NTRK3: variants seen among roughly 807,000 people sequenced by gnomAD.
The protein encoded by NTRK3 is NT-3 growth factor receptor.
NTRK3 carries 24 observed loss-of-function variants against 91.7 expected under a neutral mutation model. The observed-to-expected ratio is 0.26, with a 90% confidence interval of 0.19 to 0.37. NTRK3 has a LOEUF of 0.37. Ranked by LOEUF, NTRK3 falls within the 10% of genes least tolerant of loss-of-function variation. The pLI is 1.00. For synonymous variants in NTRK3, 483 were observed against 404.0 expected (o/e 1.20, Z -2.34); for missense variants, 880 against 1,068.9 (o/e 0.82, Z 2.46).
chr15:88,103,572 A>C (rs2050393268), intron 13 of NTRK3, among the ~76,000 whole-genome samples: 1 of 152,214 alleles, frequency 6.6e-6, no homozygotes, highest in African/African-American at 2.4e-5. Context: ...AAAAGACCTT[A>C]GATTGTTCAA....
At chr15:88,201,167 G>A (rs2048272984) in intron 3 of NTRK3, among the ~76,000 whole-genome samples, 1 of 152,186 alleles carries the variant, frequency 6.6e-6, no homozygotes, top group Admixed American at 6.5e-5. Context: ...TTCAAGCCCT[G>A]ATATCTTACC....
rs969116454 is a variant in NTRK3 at position 87,878,533 on chromosome 15, C to T, written c.2293-1413G>A. Among the ~76,000 whole-genome samples the T allele has an allele frequency of 4.6e-5, 7 of 152,168 alleles. No individual in the cohort carries two copies. The South Asian group carries it at 8.3e-4, about 18-fold the overall frequency. The stretch of plus-strand genomic sequence containing the variant: ...TTTCCACCCTCCATTACCTTCACCT[C>T]CAGGAAAAGGGATTCAGTTCGAACT... On this transcript the variant is annotated intron_variant, in intron 18 of 18. Transcript: ENST00000394480.
exon 19 of NTRK3, chr15:87,866,888 C>T (rs1362893003): frequency 9.5e-6 from 2 of 210,330 alleles, no homozygotes; most frequent in Admixed American, 5.9e-5. Context: ...TAAATAAATG[C>T]TTTGCTGACA....
intron 3 of NTRK3, among the ~76,000 whole-genome samples, chr15:88,199,205 T>G (rs901803272): frequency 2.6e-5 from 4 of 152,036 alleles, no homozygotes; most frequent in Admixed American, 6.6e-5. Context: ...TATTTACCCT[T>G]TATTATGGAA....
intron 14 of NTRK3, among the ~76,000 whole-genome samples, chr15:87,952,404 G>A (rs929346801): frequency 1.3e-5 from 2 of 152,186 alleles, no homozygotes; most frequent in African/African-American, 4.8e-5. Context: ...CAGCAGGGAA[G>A]CTCTGTTGGG....
At chr15:88,010,375 G>A (rs1234300450) in intron 14 of NTRK3, among the ~76,000 whole-genome samples, 2 of 152,160 alleles carry the variant, frequency 1.3e-5, no homozygotes, top group Non-Finnish European at 2.9e-5. Context: ...CATTCTGGGT[G>A]AATTCATTCT....
intron 4 of NTRK3, 149 bp downstream of exon 4, chr15:88,184,076 T>C: frequency 1.3e-6 from 1 of 754,466 alleles, no homozygotes; most frequent in Non-Finnish European, 2.3e-6. Context: ...GTCCCCTAAG[T>C]GCATATTGCC....
chr15:87,978,991 G>T (rs574949052), intron 14 of NTRK3: 2 of 382,026 alleles, frequency 5.2e-6, no homozygotes, highest in South Asian at 3.7e-5. Flanking sequence ...AGGCTTTCTT[G>T]TGATGGTTAG....
At chr15:88,014,781 C>T (rs552878103) in intron 14 of NTRK3, among the ~76,000 whole-genome samples, 4 of 152,340 alleles carry the variant, frequency 2.6e-5, no homozygotes, top group Admixed American at 6.5e-5. Flanking sequence ...TGCAGGAACA[C>T]GGTCTCTGAT....
At chr15:87,920,963 T>A (rs1269110633) in intron 17 of NTRK3, among the ~76,000 whole-genome samples, 3 of 152,142 alleles carry the variant, frequency 2.0e-5, no homozygotes, top group Admixed American at 2.0e-4. Flanking sequence ...AAGTCTGTAG[T>A]TTAGTTAATA....
At chr15:88,140,929 T>C (rs2042329438) in intron 6 of NTRK3, among the ~76,000 whole-genome samples, 1 of 152,160 alleles carries the variant, frequency 6.6e-6, no homozygotes. Flanking sequence ...TGGTACGTGG[T>C]GCTTTGTAGG....
At chr15:88,210,301 C>A (rs1194529913) in intron 3 of NTRK3, among the ~76,000 whole-genome samples, 1 of 152,128 alleles carries the variant, frequency 6.6e-6, no homozygotes, top group Non-Finnish European at 1.5e-5. Context: ...AGAAGCAATT[C>A]GAAGAGCAGC....
intron 18 of NTRK3, among the ~76,000 whole-genome samples, chr15:87,877,707 C>A (rs1262668965): frequency 2.0e-5 from 3 of 152,258 alleles, no homozygotes; most frequent in African/African-American, 7.2e-5. Context: ...TTGCACTAAA[C>A]CATGCTTCCA....
rs1442845750 is a variant in NTRK3 at position 88,233,233 on chromosome 15, C to G, written c.248+22673G>C. Among the ~76,000 whole-genome samples the G allele has an allele frequency of 6.6e-6, 1 of 152,026 alleles. No individual in the cohort carries two copies. Among genetic ancestry groups the G allele is most frequent in the Admixed American group, 6.5e-5 (1 of 15,276 alleles). Reference sequence around the variant, plus strand: ...TAGAGCACATTGCCAATAAATAACCCCCCCGCCCCCAGTGTAATCTCTCAG... The same window carrying G: ...TAGAGCACATTGCCAATAAATAACCGCCCCGCCCCCAGTGTAATCTCTCAG... On this transcript the variant is annotated intron_variant, in intron 3 of 18. Coordinates refer to ENST00000394480, the Ensembl canonical transcript of NTRK3. The surrounding 1 kb of genome is among the most constrained non-coding windows in gnomAD (Gnocchi z 4.2).
intron 13 of NTRK3, among the ~76,000 whole-genome samples, chr15:88,080,658 C>A (rs1416143759): frequency 6.6e-6 from 1 of 152,242 alleles, no homozygotes; most frequent in East Asian, 1.9e-4. Context: ...TTTGGCTAAA[C>A]CCCACAGTGA....
chr15:88,086,784 G>C (rs16941233), intron 13 of NTRK3, among the ~76,000 whole-genome samples: 4,000 of 152,294 alleles, frequency 0.026, 169 homozygotes, highest in African/African-American at 0.085. Flanking sequence ...TAGCAAGAGG[G>C]ATCCTCTCCT....
intron 14 of NTRK3, chr15:87,979,163 C>T: frequency 1.5e-6 from 1 of 645,252 alleles, no homozygotes; most frequent in Admixed American, 2.5e-5. Context: ...GGCAACCCTG[C>T]CAGTGGTGGA....
chr15:88,241,860 G>T lies in NTRK3; in HGVS notation c.248+14046C>A, dbSNP rs909278834. The stretch of plus-strand genomic sequence containing the variant: ...CTTGGCCCACCTCCCCTCTCCAGAG[G>T]TCGATTTCCAGGTGCAGGGAGAGGC... On this transcript the variant is annotated intron_variant, in intron 3 of 18. Transcript: ENST00000394480. This position sits in a 1 kb window ranked among gnomAD's most constrained non-coding sequence, Gnocchi z 4.3. Among the ~76,000 whole-genome samples, 1 of 152,156 alleles carries T rather than the reference G, an allele frequency of 6.6e-6. No individual in the cohort carries two copies. Among genetic ancestry groups the T allele is most frequent in the South Asian group, 2.1e-4 (1 of 4,828 alleles).
At chr15:88,083,066 T>C (rs896030703) in intron 13 of NTRK3, among the ~76,000 whole-genome samples, 27 of 152,196 alleles carry the variant, frequency 1.8e-4, no homozygotes, top group African/African-American at 6.3e-4. Context: ...CCCTTTGGTG[T>C]CCTTATTCCT....
Sources: allele counts gnomAD v4.1 joint callset (sites outside exome capture counted in the v4.1 genomes callset), GRCh38; gene constraint gnomAD v4.1.1; non-coding constraint Gnocchi (gnomAD v3.1); transcripts MANE v1.5; gene names NCBI Gene and HGNC (gene_info 2026-07-23, HGNC 2026-07-21).